Variants in DGLUCY observed in about 807,000 individuals in gnomAD.
DGLUCY encodes the protein D-glutamate cyclase, mitochondrial.
DGLUCY carries 58 observed loss-of-function variants against 58.5 expected under a neutral mutation model. The observed-to-expected ratio is 0.99, with a 90% CI of 0.80 to 1.23. The LOEUF is 1.23. DGLUCY is among the 50% of genes most tolerant of loss of function. The pLI is 0.00. For missense variants in DGLUCY, 779 were observed against 784.7 expected, an observed-to-expected ratio of 0.99 and a Z score of 0.09; for synonymous variants, 325 against 314.1, an observed-to-expected ratio of 1.03 and a Z score of -0.37.
chr14:91,162,805 G>C (rs911974617), intron 3 of DGLUCY, among the ~76,000 whole-genome samples: 2 of 151,862 alleles, frequency 1.3e-5, no homozygotes, highest in Non-Finnish European at 2.9e-5. Context: ...GCTGAGGCAG[G>C]AGAAGCACTT....
chr14:91,125,195 G>A (rs1346371861), intron 1 of DGLUCY, among the ~76,000 whole-genome samples: 3 of 152,132 alleles, frequency 2.0e-5, no homozygotes, highest in Admixed American at 2.0e-4. Flanking sequence ...ACAACTACTG[G>A]CGAGTGTACC....
intron 1 of DGLUCY, among the ~76,000 whole-genome samples, chr14:91,118,242 C>A (rs28751095): frequency 1.3e-5 from 2 of 151,702 alleles, no homozygotes; most frequent in Non-Finnish European, 2.9e-5. Flanking sequence ...ACCCCCACCA[C>A]GCCTGGCTAA....
Position 91,204,753 on chromosome 14 carries a change from G to T in DGLUCY, c.1492G>T (p.Ala498Ser), listed in dbSNP as rs138293042. The T allele has an allele frequency of 4.3e-6, 7 of 1,614,016 alleles. No individual in the cohort carries two copies. Among genetic ancestry groups the T allele is most frequent in the African/African-American group, 1.3e-5 (1 of 74,916 alleles). ...GCTTGGGATGGGTAAAGTCAAGGAG[G>T]CTGTGAGGAGGCACATACGGCACGG... ...NELGMGKVKE[A>S]VRRHIRHGDV... The change falls in exon 12 of 14, where the codon GCT becomes TCT. Residue 498 changes from alanine (A) to serine (S), a missense_variant. By Grantham distance (99) the Ala-to-Ser change is moderately conservative (BLOSUM62 1). Coordinates refer to ENST00000256324, the MANE Select transcript of DGLUCY (RefSeq NM_001102368.3).
At chr14:91,087,050 T>C (rs1265919898) in intron 1 of DGLUCY, among the ~76,000 whole-genome samples, 1 of 152,144 alleles carries the variant, frequency 6.6e-6, no homozygotes, top group Non-Finnish European at 1.5e-5. Context: ...GTGGCTGCAG[T>C]TCATGGGACC....
intron 3 of DGLUCY, among the ~76,000 whole-genome samples, chr14:91,163,662 C>T (rs761388009): frequency 2.6e-5 from 4 of 152,166 alleles, no homozygotes; most frequent in African/African-American, 9.7e-5. Context: ...GAGGCCACTC[C>T]GTGATGAAAT....
At chr14:91,197,030 G>A (rs976400679) in intron 10 of DGLUCY, among the ~76,000 whole-genome samples, 3 of 152,060 alleles carry the variant, frequency 2.0e-5, no homozygotes, top group Non-Finnish European at 4.4e-5. Context: ...GCAGTGGCGC[G>A]ATCTCTGCTC....
At chr14:91,191,355 A>G (rs2049880847) in intron 9 of DGLUCY, among the ~76,000 whole-genome samples, 1 of 152,106 alleles carries the variant, frequency 6.6e-6, no homozygotes, top group Non-Finnish European at 1.5e-5. Flanking sequence ...GATGATGAGA[A>G]AGTTCTGGAG....
At chr14:91,188,433 G>A (rs1337033727) in intron 8 of DGLUCY, among the ~76,000 whole-genome samples, 2 of 152,184 alleles carry the variant, frequency 1.3e-5, no homozygotes, top group Non-Finnish European at 2.9e-5. Context: ...AGAATACACT[G>A]TGGCAAGCAA....
intron 3 of DGLUCY, among the ~76,000 whole-genome samples, chr14:91,163,692 C>G (rs989000774): frequency 2.0e-5 from 3 of 152,138 alleles, no homozygotes; most frequent in Non-Finnish European, 4.4e-5. Context: ...TCGCGGGCAC[C>G]CCTTCCAGGT....
chr14:91,218,841 A>C (rs1426422071), intron 13 of DGLUCY, among the ~76,000 whole-genome samples: 8 of 152,164 alleles, frequency 5.3e-5, no homozygotes, highest in African/African-American at 9.6e-5. Context: ...GGGAGACGAC[A>C]CATGACAGGC....
intron 13 of DGLUCY, among the ~76,000 whole-genome samples, chr14:91,221,587 GATGGATGCATGC>G (rs1477974547): frequency 6.6e-6 from 1 of 151,808 alleles, no homozygotes; most frequent in Non-Finnish European, 1.5e-5. Flanking sequence ...TGGATGCATA[GATGGATGCATGC>G]ATGGATGGAT....
intron 13 of DGLUCY, among the ~76,000 whole-genome samples, chr14:91,217,006 C>G (rs1886631643): frequency 6.6e-6 from 1 of 152,222 alleles, no homozygotes; most frequent in Admixed American, 6.5e-5. Context: ...CCTCTTAGAG[C>G]AAGCTCCGCC....
chr14:91,162,005 G>T (rs576265296), intron 3 of DGLUCY, among the ~76,000 whole-genome samples: 82 of 152,210 alleles, frequency 5.4e-4, no homozygotes, highest in African/African-American at 1.3e-3. Flanking sequence ...AGAGCAGCCA[G>T]GGTCTTGGAG....
At chr14:91,207,097 T>A (rs549207499) in intron 12 of DGLUCY, among the ~76,000 whole-genome samples, 12 of 135,402 alleles carry the variant, frequency 8.9e-5, no homozygotes, top group Non-Finnish European at 1.8e-4. Context: ...AAGATGAGGC[T>A]GCAGTGAGCT....
chr14:91,172,050 C>T (rs1315232299), intron 5 of DGLUCY, among the ~76,000 whole-genome samples: 1 of 152,056 alleles, frequency 6.6e-6, no homozygotes, highest in Non-Finnish European at 1.5e-5. Flanking sequence ...TCTTCCCTCC[C>T]TCCCTTCTTT....
In DGLUCY at chr14:91,142,737, G is replaced by A. The variant is rs140878539; in HGVS notation, c.-81-14902G>A. On this transcript the variant is annotated intron_variant, in intron 1 of 13. Transcript: ENST00000256324. ...ACTTTGGGTTGGGAGGCTGAGGTGG[G>A]CAGATCACCTGAAGTCAGGAGTTCG... 2.6e-4 allele frequency among the ~76,000 whole-genome samples: 39 copies of A among 151,820 alleles called. No homozygotes were observed. The East Asian group carries it at 7.2e-3, about 28-fold the overall frequency.
chr14:91,065,820 G>A (rs1300724558), intron 1 of DGLUCY, among the ~76,000 whole-genome samples: 1 of 152,190 alleles, frequency 6.6e-6, no homozygotes, highest in East Asian at 1.9e-4. Flanking sequence ...TGAGTGATTA[G>A]TGATGTGACC....
In DGLUCY at chr14:91,130,544, G is replaced by T. The variant is rs547322667; in HGVS notation, c.-82+16261G>T. On this transcript the variant is annotated intron_variant, in intron 1 of 13. Transcript: ENST00000256324. ...GATGGTCTCGATCTCTTGACCTTGT[G>T]ATCCGCCCTCCTTGGCCTCCCAAAT... Among the ~76,000 whole-genome samples the T allele has an allele frequency of 2.6e-5, 4 of 152,240 alleles. No homozygotes were observed. The East Asian group carries it at 7.7e-4, about 29-fold the overall frequency.
At chr14:91,195,066 G>A (rs1023709132) in intron 9 of DGLUCY, among the ~76,000 whole-genome samples, 4 of 152,178 alleles carry the variant, frequency 2.6e-5, no homozygotes, top group Admixed American at 6.5e-5. Context: ...AGGGGTGTGA[G>A]GGGCTGATGA....
Sources: allele counts gnomAD v4.1 joint callset (sites outside exome capture counted in the v4.1 genomes callset), GRCh38; gene constraint gnomAD v4.1.1; transcripts MANE v1.5; gene names NCBI Gene and HGNC (gene_info 2026-07-23, HGNC 2026-07-21).